MAGEC3: variants seen among roughly 807,000 people sequenced by gnomAD.
The protein encoded by MAGEC3 is melanoma-associated antigen C3.
In MAGEC3, 34 loss-of-function variants were observed where a neutral mutation model predicts 35.3. The observed-to-expected ratio is 0.96, with a 90% CI of 0.73 to 1.28. MAGEC3 has a LOEUF of 1.28. Among genes scored for constraint, MAGEC3 ranks in the 50% most tolerant of loss-of-function variants. The probability of loss-of-function intolerance (pLI) is 0.00; values close to 1 mark genes in which losing one functional copy is unlikely to be tolerated. For synonymous variants in MAGEC3, 202 were observed against 185.6 expected (o/e 1.09, Z -0.72); for missense variants, 561 against 483.6 (o/e 1.16, Z -1.50).
chrX:141,868,390 A>G (rs970020942), intron 2 of MAGEC3, among the ~76,000 whole-genome samples: 3 of 111,954 alleles, frequency 2.7e-5, no homozygotes, highest in Non-Finnish European at 5.6e-5. Context: ...ATAAAAATTG[A>G]AAAACATTAG....
At chrX:141,889,621 T>C (rs2018026918) in intron 4 of MAGEC3, among the ~76,000 whole-genome samples, 1 of 111,434 alleles carries the variant, frequency 9.0e-6, no homozygotes, top group African/African-American at 3.3e-5. Context: ...TGAGAAAGAG[T>C]ATGCAAGGAA....
At chrX:141,894,947 G>C in intron 4 of MAGEC3, 1 of 622,277 alleles carries the variant, frequency 1.6e-6, no homozygotes, top group Non-Finnish European at 2.1e-6. Context: ...GAGGTGGGTA[G>C]GAAAAGGTGG....
chrX:141,895,024 G>C (rs1382262685), intron 4 of MAGEC3, among the ~76,000 whole-genome samples: 1 of 91,976 alleles, frequency 1.1e-5, no homozygotes, highest in Non-Finnish European at 2.1e-5. Flanking sequence ...AAGGTGAAAG[G>C]GGGCAGTAGG....
At chrX:141,896,431 G>C in intron 6 of MAGEC3, 1 of 1,143,652 alleles carries the variant, frequency 8.7e-7, no homozygotes, top group Non-Finnish European at 1.2e-6. Flanking sequence ...CCTCCTACAG[G>C]TTCTGAGGGA....
At position 141,895,544 on chromosome X, in the gene MAGEC3, CAGA is replaced by C; in HGVS notation, c.1114_1116del (p.Lys372del). On this transcript the variant is annotated inframe_deletion, in exon 6 of 8. Coordinates refer to ENST00000298296, the MANE Select transcript of MAGEC3 (RefSeq NM_138702.1). The stretch of plus-strand genomic sequence containing the variant: ...AGGGCTGACCGAGGCGTCCCCACAA[CAGA>C]AGAAGGGAGGAGGTGCCAGCCCTCT... The C allele has an allele frequency of 1.0e-5, 12 of 1,205,534 alleles. No homozygotes were observed. The highest frequency in any genetic ancestry group is 2.2e-5 in the Admixed American group (1 of 45,377).
intron 2 of MAGEC3, among the ~76,000 whole-genome samples, 157 bp downstream of exon 2, chrX:141,865,762 G>C (rs1216528444): frequency 3.6e-5 from 4 of 111,711 alleles, no homozygotes; most frequent in African/African-American, 1.3e-4. Flanking sequence ...GGGAGGTGAG[G>C]CTTCCTCACC....
chrX:141,889,673 C>T (rs1020115677), intron 4 of MAGEC3, among the ~76,000 whole-genome samples: 1 of 111,685 alleles, frequency 9.0e-6, no homozygotes, highest in Admixed American at 9.5e-5. Flanking sequence ...TTACCATGCC[C>T]TGTGATTAAG....
chrX:141,887,382 T>C (rs902672181), intron 4 of MAGEC3, among the ~76,000 whole-genome samples: 6 of 112,331 alleles, frequency 5.3e-5, no homozygotes, highest in African/African-American at 1.6e-4. Flanking sequence ...ACTGGACTTA[T>C]TGGTGAGACA....
chrX:141,851,591 A>G (rs775172084), intron 1 of MAGEC3, among the ~76,000 whole-genome samples: 2 of 110,792 alleles, frequency 1.8e-5, no homozygotes, highest in Admixed American at 9.7e-5. Context: ...CACTATTTCG[A>G]GAACATTTTA....
Position 141,897,287 on chromosome X carries a change from G to A in MAGEC3, c.1529G>A (p.Gly510Asp). The change falls in exon 7 of 8, where the codon GGC (glycine) becomes GAC (aspartate). Residue 510 changes from glycine to aspartate, a missense_variant. Coordinates refer to ENST00000298296, the MANE Select transcript of MAGEC3 (RefSeq NM_138702.1). ...KAHEFIELIF[G>D]IALTDMDPDN... is the part of the protein sequence containing the mutation. ...CATGAGTTCATAGAGCTAATTTTTG[G>A]CATTGCCCTGACTGATATGGACCCC... 2 of 1,211,236 alleles carry A rather than the reference G, an allele frequency of 1.7e-6. No homozygotes were observed. The highest frequency in any genetic ancestry group is 2.2e-6 in the Non-Finnish European group (2 of 895,302).
At position 141,865,330 on chromosome X, in the gene MAGEC3, A is replaced by G. The variant is rs372479809; in HGVS notation, c.124-141A>G. 1.6e-4 allele frequency: 78 copies of G among 502,921 alleles called. No individual in the cohort carries two copies. The East Asian group carries it at 3.0e-3, about 19-fold the overall frequency. The allele number at this position is 502,921 out of a possible 1,213,427, so 41.4% of individuals were successfully genotyped here. On this transcript the variant is annotated intron_variant, in intron 1 of 7. Coordinates refer to ENST00000298296, the MANE Select transcript of MAGEC3 (RefSeq NM_138702.1). Reference sequence around the variant, plus strand: ...ACCTTATATTTTCTTATAAAATTTTATACTTTTTAATTTGACATTTTTTTT... The same window carrying G: ...ACCTTATATTTTCTTATAAAATTTTGTACTTTTTAATTTGACATTTTTTTT...
In MAGEC3 at chrX:141,897,817, C is replaced by A. The variant is rs974078274; in HGVS notation, c.1917C>A (p.Asn639Lys). The change falls in exon 8 of 8, where the codon AAC (asparagine) becomes AAA (lysine). Residue 639 changes from asparagine (N) to lysine (K), a missense_variant. Asn to Lys is a moderately conservative substitution (Grantham distance 94). Transcript: ENST00000298296. ...CAAGCCCCAGTGTCATGTCCACCAA[C>A]TTCTGTCCTGAGTGATGTCTGAAGC... ...ASASPSVMST[N>K]FCPE is the part of the protein sequence containing the mutation. 1 of 1,195,631 alleles carries A rather than the reference C, an allele frequency of 8.4e-7. No individual in the cohort carries two copies. The highest frequency in any genetic ancestry group is 1.1e-6 in the Non-Finnish European group (1 of 887,823).
intron 2 of MAGEC3, among the ~76,000 whole-genome samples, chrX:141,874,808 C>T (rs1226865447): frequency 2.4e-5 from 1 of 41,612 alleles, no homozygotes; most frequent in African/African-American, 8.0e-5. Flanking sequence ...CATTTTAAAT[C>T]TGGAAATGGT....
In MAGEC3 at chrX:141,897,313, G is replaced by T. The variant is rs752119740; in HGVS notation, c.1555G>T (p.Asp519Tyr). Residue 519 changes from aspartate (D) to tyrosine (Y), a missense_variant, in exon 7 of 8, where the codon GAC (aspartate) becomes TAC (tyrosine). By Grantham distance (160) the Asp-to-Tyr change is radical. Coordinates refer to ENST00000298296, the MANE Select transcript of MAGEC3 (RefSeq NM_138702.1). Reference protein sequence around the residue: ...FGIALTDMDPDNHSYFFEDTL... With the variant: ...FGIALTDMDPYNHSYFFEDTL... The stretch of plus-strand genomic sequence containing the variant: ...CATTGCCCTGACTGATATGGACCCC[G>T]ACAACCACTCCTATTTCTTTGAAGA... The T allele has an allele frequency of 1.3e-5, 16 of 1,211,542 alleles. 1 individual carries two copies. The South Asian group carries it at 2.3e-4, about 17-fold the overall frequency.
intron 4 of MAGEC3, among the ~76,000 whole-genome samples, chrX:141,882,244 C>T (rs1027835564): frequency 9.0e-5 from 10 of 111,694 alleles, no homozygotes; most frequent in Non-Finnish European, 1.1e-4. Context: ...ATACAGTGTT[C>T]TTTGCATTTC....
chrX:141,890,955 G>T (rs1404086625), intron 4 of MAGEC3, among the ~76,000 whole-genome samples: 2 of 111,863 alleles, frequency 1.8e-5, no homozygotes, highest in Non-Finnish European at 3.8e-5. Flanking sequence ...ATCCGCTATG[G>T]ATTAGTTTAT....
At chrX:141,839,361 A>G in intron 1 of MAGEC3, 1 of 713,068 alleles carries the variant, frequency 1.4e-6, no homozygotes, top group East Asian at 1.5e-4. Context: ...TTTCCAAGAA[A>G]TAATTTTTAA....
At chrX:141,854,460 G>T (rs984284476) in intron 1 of MAGEC3, among the ~76,000 whole-genome samples, 2 of 111,016 alleles carry the variant, frequency 1.8e-5, no homozygotes, top group African/African-American at 6.6e-5. Flanking sequence ...TACATGTTGT[G>T]GGAGGGACCC....
chrX:141,870,665 A>T (rs2017882023), intron 2 of MAGEC3, among the ~76,000 whole-genome samples: 2 of 112,218 alleles, frequency 1.8e-5, no homozygotes, highest in African/African-American at 6.5e-5. Context: ...CTTGCACCCA[A>T]ATCCATGTTT....
Sources: allele counts gnomAD v4.1 joint callset (sites outside exome capture counted in the v4.1 genomes callset), GRCh38; gene constraint gnomAD v4.1.1; transcripts MANE v1.5; gene names NCBI Gene and HGNC (gene_info 2026-07-23, HGNC 2026-07-21).